Variants in PRORP observed in about 807,000 individuals in gnomAD.
The protein encoded by PRORP is protein only RNase P catalytic subunit.
Under a neutral mutation model 59.4 loss-of-function variants are expected in PRORP, and 51 were observed. That is an observed-to-expected ratio of 0.86 (90% CI 0.69 to 1.08). The LOEUF (loss-of-function observed/expected upper bound fraction) is 1.08. Among genes scored for constraint, PRORP ranks in the 50% least tolerant of loss-of-function variants. The pLI is 0.00. For missense variants in PRORP, 646 were observed against 690.3 expected, an observed-to-expected ratio of 0.94 and a Z score of 0.72; for synonymous variants, 231 against 245.6, an observed-to-expected ratio of 0.94 and a Z score of 0.55.
upstream of PRORP, chr14:35,122,349 C>A (rs1224657437): frequency 4.9e-6 from 1 of 203,374 alleles, no homozygotes; most frequent in Non-Finnish European, 1.0e-5. Flanking sequence ...TTCACAATTT[C>A]TTTTCATTGT....
intron 5 of PRORP, among the ~76,000 whole-genome samples, chr14:35,260,065 G>A (rs1382117288): frequency 2.9e-5 from 4 of 139,422 alleles, no homozygotes; most frequent in African/African-American, 5.3e-5. Context: ...AGGCTGGAGT[G>A]CAGTGGCACT....
At chr14:35,187,023 G>T (rs1360345589) in intron 5 of PRORP, among the ~76,000 whole-genome samples, 3 of 152,136 alleles carry the variant, frequency 2.0e-5, no homozygotes, top group Admixed American at 1.3e-4. Flanking sequence ...GTGTTCCATT[G>T]TATGGATATG....
chr14:35,152,550 G>C (rs1341929036), intron 4 of PRORP, among the ~76,000 whole-genome samples: 1 of 145,242 alleles, frequency 6.9e-6, no homozygotes, highest in Admixed American at 6.9e-5. Context: ...GCAGCGGCCG[G>C]GTGGAGGCGC....
At chr14:35,152,580 CGGGGCGGCTGGCCGGGCGG>C (rs958509688) in intron 4 of PRORP, among the ~76,000 whole-genome samples, 2 of 150,710 alleles carry the variant, frequency 1.3e-5, no homozygotes, top group Non-Finnish European at 1.5e-5. Context: ...CCCTCCCGGA[CGGGGCGGCTGGCCGGGCGG>C]GGGCTGACCC....
intron 5 of PRORP, among the ~76,000 whole-genome samples, chr14:35,201,496 AT>A (rs1473661311): frequency 6.6e-6 from 1 of 151,496 alleles, no homozygotes; most frequent in African/African-American, 2.4e-5. Context: ...AATACTGCTT[AT>A]TTTGCTGCTC....
chr14:35,222,668 C>T (rs773616612), intron 5 of PRORP: 1 of 152,206 alleles, frequency 6.6e-6, no homozygotes, highest in Non-Finnish European at 1.5e-5. Context: ...CTCCCAAGTT[C>T]TTTGCCCAAG....
chr14:35,146,607 A>C (rs1263813158), intron 4 of PRORP, among the ~76,000 whole-genome samples: 2 of 152,174 alleles, frequency 1.3e-5, no homozygotes, highest in African/African-American at 4.8e-5. Flanking sequence ...GTAAATGGAA[A>C]ACTTTGTGGG....
chr14:35,239,342 C>T (rs963097835), intron 5 of PRORP, among the ~76,000 whole-genome samples: 44 of 149,730 alleles, frequency 2.9e-4, no homozygotes, highest in Non-Finnish European at 5.2e-4. Context: ...AGTAAGACTC[C>T]GTCTCAAGAA....
rs368202786 is a variant in PRORP, at chr14:35,251,776, G to A, written c.1276-14951G>A. ...TCACCATCTTGGCCAGGCTGGTCTCGAACTCCTGACCTCGTGATCCACCCA... is the reference window on the plus strand; with the variant it reads ...TCACCATCTTGGCCAGGCTGGTCTCAAACTCCTGACCTCGTGATCCACCCA... On this transcript the variant is annotated intron_variant, in intron 5 of 7. Transcript: ENST00000534898. 6.2e-4 allele frequency among the ~76,000 whole-genome samples: 94 copies of A among 152,030 alleles called. No homozygotes were observed. The South Asian group carries it at 0.016, about 26-fold the overall frequency.
intron 4 of PRORP, among the ~76,000 whole-genome samples, chr14:35,164,645 G>A (rs1474393180): frequency 1.3e-5 from 2 of 152,056 alleles, no homozygotes; most frequent in South Asian, 2.1e-4. Context: ...GAGGGGGTGG[G>A]GTATGGGTTG....
chr14:35,180,898 G>C (rs2048589058), intron 5 of PRORP, 121 bp downstream of exon 5: 2 of 643,118 alleles, frequency 3.1e-6, no homozygotes, highest in South Asian at 3.7e-5. Flanking sequence ...GGTCTTCAGG[G>C]TGCCACAGTG....
intron 5 of PRORP, among the ~76,000 whole-genome samples, chr14:35,232,026 T>C (rs2050093914): frequency 1.3e-5 from 2 of 152,314 alleles, no homozygotes; most frequent in South Asian, 2.1e-4. Context: ...GAAAAACAGC[T>C]TATACCATGG....
At chr14:35,269,726 G>T (rs2051137819) in intron 6 of PRORP, among the ~76,000 whole-genome samples, 1 of 151,882 alleles carries the variant, frequency 6.6e-6, no homozygotes, top group South Asian at 2.1e-4. Flanking sequence ...ACTTTAAATG[G>T]TCCTATTTAG....
At position 35,229,210 on chromosome 14, in the gene PRORP, G is replaced by A. The variant is rs562829810; in HGVS notation, c.1276-37517G>A. 1.4e-4 allele frequency among the ~76,000 whole-genome samples: 21 copies of A among 152,162 alleles called. 1 individual carries two copies. Among genetic ancestry groups the A allele is most frequent in the East Asian group, 9.6e-4 (5 of 5,186 alleles). On this transcript the variant is annotated intron_variant, in intron 5 of 7. Coordinates refer to ENST00000534898, the MANE Select transcript of PRORP (RefSeq NM_014672.4). ...TGGATATTAGATTTTTGTTGGATGC[G>A]TAGTTTGCGATTATTTTCTCCTATT...
intron 5 of PRORP, among the ~76,000 whole-genome samples, chr14:35,202,171 A>G (rs930492070): frequency 6.6e-6 from 1 of 151,380 alleles, no homozygotes; most frequent in Non-Finnish European, 1.5e-5. Flanking sequence ...GGGTTTCACC[A>G]TGGTCTCGAT....
At chr14:35,132,824 G>A (rs2047281916) in intron 4 of PRORP, among the ~76,000 whole-genome samples, 1 of 150,242 alleles carries the variant, frequency 6.7e-6, no homozygotes. Context: ...GGAAAGGAAA[G>A]CAAAGCAAAG....
Position 35,124,166 on chromosome 14 carries a change from T to G in PRORP, c.921T>G (p.Tyr307Ter). The stretch of plus-strand genomic sequence containing the variant: ...ATAAACTACTAGATATTCTTTCATA[T>G]CTAAGAAATAATCAGCTGTATCCAG... The part of the protein sequence containing the change: ...YSNKLLDILS[Y>*]LRNNQLYPGE... Residue 307 changes from tyrosine (Y) to a stop codon, truncating the protein, a stop_gained, in exon 2 of 8, where the codon TAT (tyrosine) becomes TAG (stop). Transcript: ENST00000534898. LOFTEE classifies it high-confidence loss of function. 1 of 1,603,846 alleles carries G rather than the reference T, an allele frequency of 6.2e-7. No individual in the cohort carries two copies. The highest frequency in any genetic ancestry group is 8.5e-7 in the Non-Finnish European group (1 of 1,175,358).
Position 35,276,689 on chromosome 14 carries a change from T to C in PRORP, c.*3123T>C, listed in dbSNP as rs2051298728. The stretch of plus-strand genomic sequence containing the variant: ...TGGACACCACAAGAAGGAGGAATTA[T>C]TTTAAAAGCTGTACTCTTAAATTGT... On this transcript the variant is annotated 3_prime_UTR_variant, in exon 8 of 8. Coordinates refer to ENST00000534898, the MANE Select transcript of PRORP (RefSeq NM_014672.4). 6.6e-6 allele frequency: 1 copy of C among 152,162 alleles called. No individual in the cohort carries two copies. Among genetic ancestry groups the C allele is most frequent in the African/African-American group, 2.4e-5 (1 of 41,450 alleles). 9.4% of individuals were successfully genotyped at this position (152,162 alleles called of 1,614,324 possible). A position where few individuals can be genotyped will look rare whatever the true frequency, so the allele number is the denominator to read the frequency against.
chr14:35,273,508 T>A lies in PRORP; in HGVS notation c.1694T>A (p.Val565Glu). The change falls in exon 8 of 8, where the codon GTA becomes GAA. Residue 565 changes from valine (V) to glutamate (E), a missense_variant. Physicochemically the swap from Val to Glu is moderately radical, Grantham distance 121. Coordinates refer to ENST00000534898, the MANE Select transcript of PRORP (RefSeq NM_014672.4). ...SWHIPYDEDL[V>E]ERCSCEVPTK... is the part of the protein sequence containing the mutation. Reference sequence around the variant, plus strand: ...CACATACCATATGATGAAGACTTGGTAGAAAGATGTTCCTGTGAAGTACCA... The same window carrying A: ...CACATACCATATGATGAAGACTTGGAAGAAAGATGTTCCTGTGAAGTACCA... 6.2e-7 allele frequency: 1 copy of A among 1,613,796 alleles called. No individual in the cohort carries two copies. The highest frequency in any genetic ancestry group is 8.5e-7 in the Non-Finnish European group (1 of 1,179,834).
Sources: allele counts gnomAD v4.1 joint callset (sites outside exome capture counted in the v4.1 genomes callset), GRCh38; gene constraint gnomAD v4.1.1; transcripts MANE v1.5; gene names NCBI Gene and HGNC (gene_info 2026-07-23, HGNC 2026-07-21).